The following LGR6 variants were observed in gnomAD, a reference collection of about 807,000 sequenced individuals.
LGR6 encodes leucine-rich repeat-containing G protein-coupled receptor 6.
LGR6 carries 45 observed loss-of-function variants against 69.4 expected under a neutral mutation model. The observed-to-expected ratio is 0.65, with a 90% CI of 0.51 to 0.83. The LOEUF (loss-of-function observed/expected upper bound fraction) is 0.83. Ranked by LOEUF, LGR6 falls within the 40% of genes least tolerant of loss-of-function variation. The pLI is 0.00. For missense variants in LGR6, 1,108 were observed against 1,246.7 expected (o/e 0.89, Z 1.68); for synonymous variants, 538 against 555.0 (o/e 0.97, Z 0.43).
At chr1:202,219,445 C>T (rs1191455865) in intron 1 of LGR6, among the ~76,000 whole-genome samples, 1 of 152,220 alleles carries the variant, frequency 6.6e-6, no homozygotes, top group Non-Finnish European at 1.5e-5. Flanking sequence ...TGGAGGAGGA[C>T]CTCACTTTAA....
At position 202,314,859 on chromosome 1, in the gene LGR6, G is replaced by C. The variant is rs1195216601; in HGVS notation, c.1625G>C (p.Ser542Thr). Reference sequence around the variant, plus strand: ...ATGGAGGACTCAAAGCCACACCCCAGTGTCCAGTGTAGCCCTACTCCAGGT... The same window carrying C: ...ATGGAGGACTCAAAGCCACACCCCACTGTCCAGTGTAGCCCTACTCCAGGT... ...LEMEDSKPHP[S>T]VQCSPTPGPF... Residue 542 changes from serine (S) to threonine (T), a missense_variant, in exon 17 of 18, where the codon AGT becomes ACT. Physicochemically the swap from Ser to Thr is moderately conservative, Grantham distance 58 (BLOSUM62 1). Coordinates refer to ENST00000367278, the MANE Select transcript of LGR6 (RefSeq NM_001017403.2). 1.2e-6 allele frequency: 2 copies of C among 1,614,032 alleles called. No homozygotes were observed. The highest frequency in any genetic ancestry group is 3.3e-5 in the Admixed American group (2 of 60,036).
chr1:202,206,155 G>T (rs1022097058), intron 1 of LGR6, among the ~76,000 whole-genome samples: 1 of 152,290 alleles, frequency 6.6e-6, no homozygotes, highest in Admixed American at 6.5e-5. Flanking sequence ...TCCAGGAATT[G>T]TGAGAGTTGA....
At chr1:202,290,337 G>T (rs1460260213) in intron 6 of LGR6, among the ~76,000 whole-genome samples, 1 of 152,176 alleles carries the variant, frequency 6.6e-6, no homozygotes, top group Non-Finnish European at 1.5e-5. Flanking sequence ...TAATTATTTG[G>T]CTTTGACATG....
At chr1:202,312,942 T>G (rs1653857164) in intron 16 of LGR6, among the ~76,000 whole-genome samples, 1 of 151,440 alleles carries the variant, frequency 6.6e-6, no homozygotes. Flanking sequence ...AAAAAAAAAG[T>G]GTAAGGCCGG....
rs1170226882 is a variant in LGR6 at position 202,303,269 on chromosome 1, C to G, written c.930-10C>G. ...CCCCACCCCTCAGAGCTCATTGTCT[C>G]TATTTCCAGATCTCTGAATGGTGCC... On this transcript the variant is annotated splice_polypyrimidine_tract_variant and intron_variant, in intron 9 of 17. Coordinates refer to ENST00000367278, the MANE Select transcript of LGR6 (RefSeq NM_001017403.2). 16 of 1,610,456 alleles carry G rather than the reference C, an allele frequency of 9.9e-6. No homozygotes were observed. The highest frequency in any genetic ancestry group is 1.3e-5 in the Non-Finnish European group (15 of 1,176,604).
chr1:202,233,860 T>C (rs879839345), intron 3 of LGR6, among the ~76,000 whole-genome samples: 3 of 152,262 alleles, frequency 2.0e-5, no homozygotes, highest in South Asian at 2.1e-4. Flanking sequence ...CCCCAACTTA[T>C]AGATAAGAAA....
intron 3 of LGR6, among the ~76,000 whole-genome samples, chr1:202,233,738 G>T (rs532050486): frequency 6.6e-6 from 1 of 152,320 alleles, no homozygotes; most frequent in Non-Finnish European, 1.5e-5. Context: ...ATAATTGATA[G>T]TATCAGTGAA....
At chr1:202,202,648 C>G (rs1658877202) in intron 1 of LGR6, among the ~76,000 whole-genome samples, 1 of 152,242 alleles carries the variant, frequency 6.6e-6, no homozygotes, top group Non-Finnish European at 1.5e-5. Context: ...AATGCCCAAT[C>G]TATGGGAGCT....
chr1:202,318,903 C>T lies in LGR6; in HGVS notation c.2600C>T (p.Thr867Ile), dbSNP rs138123439. Residue 867 changes from threonine (T) to isoleucine (I), a missense_variant, in exon 18 of 18, where the codon ACC becomes ATC. Coordinates refer to ENST00000367278, the MANE Select transcript of LGR6 (RefSeq NM_001017403.2). ...CTGGAGAAGAGCTCCTGTGATTCTA[C>T]CCAGGCCCTGGTAGCCTTCTCTGAT... ...GELEKSSCDS[T>I]QALVAFSDVD... The T allele has an allele frequency of 1.4e-5, 23 of 1,614,002 alleles. No individual in the cohort carries two copies. Among genetic ancestry groups the T allele is most frequent in the African/African-American group, 5.3e-5 (4 of 74,948 alleles).
chr1:202,197,305 G>A (rs1303761312), intron 1 of LGR6: 11 of 476,468 alleles, frequency 2.3e-5, no homozygotes, highest in Non-Finnish European at 4.3e-5. Context: ...GGTATTCTTT[G>A]CCTTGACACA....
intron 6 of LGR6, among the ~76,000 whole-genome samples, chr1:202,288,615 T>C (rs1666572497): frequency 6.6e-6 from 1 of 152,158 alleles, no homozygotes; most frequent in Admixed American, 6.5e-5. Context: ...ATGCAGTCTC[T>C]AGCCCAGACC....
chr1:202,305,607 G>A, intron 11 of LGR6, 77 bp from the exon 12 acceptor site: 2 of 1,277,948 alleles, frequency 1.6e-6, no homozygotes, highest in Non-Finnish European at 2.3e-6. Flanking sequence ...CACAGTCCTG[G>A]CTAGAGCCCC....
At position 202,301,248 on chromosome 1, in the gene LGR6, C is replaced by T. The variant is rs1195484586; in HGVS notation, c.929+13C>T. The T allele has an allele frequency of 6.2e-7, 1 of 1,610,490 alleles. No homozygotes were observed. The highest frequency in any genetic ancestry group is 8.5e-7 in the Non-Finnish European group (1 of 1,176,868). Reference sequence around the variant, plus strand: ...AACTCCACACACTGTAAGTTGGCTCCTGAAGGCTGCTGCAGCCTGAACTTC... The same window carrying T: ...AACTCCACACACTGTAAGTTGGCTCTTGAAGGCTGCTGCAGCCTGAACTTC... On this transcript the variant is annotated intron_variant, in intron 9 of 17. Coordinates refer to ENST00000367278, the MANE Select transcript of LGR6 (RefSeq NM_001017403.2).
At chr1:202,198,592 A>G (rs1658721808) in intron 1 of LGR6, among the ~76,000 whole-genome samples, 1 of 150,570 alleles carries the variant, frequency 6.6e-6, no homozygotes, top group Non-Finnish European at 1.5e-5. Context: ...GTGTGTGTGT[A>G]GTTGGGGGCT....
chr1:202,300,511 G>A (rs788822), intron 7 of LGR6, among the ~76,000 whole-genome samples: 1 of 151,842 alleles, frequency 6.6e-6, no homozygotes, highest in East Asian at 1.9e-4. Flanking sequence ...AAAAATTAGC[G>A]AGGTGCAGTG....
chr1:202,224,273 T>C (rs575708947), intron 1 of LGR6, among the ~76,000 whole-genome samples: 95 of 152,260 alleles, frequency 6.2e-4, no homozygotes, highest in African/African-American at 2.3e-3. Flanking sequence ...CTGCAGTAAA[T>C]GCCAGGGTAA....
chr1:202,300,800 C>T, intron 7 of LGR6, 49 bp from the exon 8 acceptor site: 1 of 1,416,624 alleles, frequency 7.1e-7, no homozygotes. Flanking sequence ...GCCTCTCCCT[C>T]TCTATACCTT....
At position 202,300,866 on chromosome 1, in the gene LGR6, A is replaced by G. The variant is rs780735961; in HGVS notation, c.803A>G (p.Asn268Ser). The stretch of plus-strand genomic sequence containing the variant: ...TCTTCCAGGGGGTTCCATAACAACA[A>G]CATCAAGGCCATCCCAGAAAAGGCC... ...RLQELGFHNN[N>S]IKAIPEKAFM... The change falls in exon 8 of 18, where the codon AAC (asparagine) becomes AGC (serine). Residue 268 changes from asparagine to serine, a missense_variant. Coordinates refer to ENST00000367278, the MANE Select transcript of LGR6 (RefSeq NM_001017403.2). 9.3e-6 allele frequency: 15 copies of G among 1,611,028 alleles called. No individual in the cohort carries two copies. Among genetic ancestry groups the G allele is most frequent in the African/African-American group, 1.3e-5 (1 of 74,728 alleles).
In LGR6 at chr1:202,194,056, G is replaced by T; in HGVS notation, c.67G>T (p.Gly23Cys). 7.2e-7 allele frequency: 1 copy of T among 1,395,554 alleles called. No individual in the cohort carries two copies. Among genetic ancestry groups the T allele is most frequent in the Non-Finnish European group, 9.2e-7 (1 of 1,082,412 alleles). The allele number at this position is 1,395,554 out of a possible 1,614,324, so 86.4% of individuals were successfully genotyped here. A position where few individuals can be genotyped will look rare whatever the true frequency, so the allele number is the denominator to read the frequency against. The change falls in exon 1 of 18, where the codon GGC becomes TGC. Residue 23 changes from glycine to cysteine, a missense_variant. Coordinates refer to ENST00000367278, the MANE Select transcript of LGR6 (RefSeq NM_001017403.2). ...CGCGCTGTGCGCTTCCCGGAGGGCC[G>T]GCGGCGCCCCCCAGCCCGGCCCGGG... ...CAALCASRRA[G>C]GAPQPGPGPT...
Sources: gnomAD v4.1 joint callset for allele counts (sites outside exome capture counted in the v4.1 genomes callset) on GRCh38, gnomAD v4.1.1 for gene constraint, MANE v1.5 for transcripts, NCBI Gene and HGNC (gene_info 2026-07-23, HGNC 2026-07-21) for gene names.